Variants in ERC1 observed in about 807,000 individuals in gnomAD.
ERC1 encodes ELKS/RAB6-interacting/CAST family member 1, also known as RAB6 interacting protein 2.
Under a neutral mutation model 132.0 loss-of-function variants are expected in ERC1, and 56 were observed. The observed-to-expected ratio is 0.42, with a 90% confidence interval of 0.34 to 0.53. The LOEUF (loss-of-function observed/expected upper bound fraction) is 0.53. ERC1 is among the 20% of genes least tolerant of loss of function. The pLI, the probability that ERC1 is intolerant of heterozygous loss-of-function variation, is 0.03. For synonymous variants in ERC1, 478 were observed against 476.1 expected, an observed-to-expected ratio of 1.00 and a Z score of -0.05; for missense variants, 1,202 against 1,349.9, an observed-to-expected ratio of 0.89 and a Z score of 1.72.
At chr12:1,127,505 C>CT (rs1386561232) in intron 7 of ERC1, among the ~76,000 whole-genome samples, 348 of 142,392 alleles carry the variant, frequency 2.4e-3, no homozygotes, top group Middle Eastern at 7.1e-3. Flanking sequence ...TCTATGTTTA[C>CT]TTTTTTTTTT....
At chr12:1,442,260 CA>C (rs1347946072) in intron 17 of ERC1, among the ~76,000 whole-genome samples, 1 of 152,178 alleles carries the variant, frequency 6.6e-6, no homozygotes, top group Non-Finnish European at 1.5e-5. Flanking sequence ...AAATAAAATA[CA>C]ATATTTTTGA....
chr12:1,025,713 T>C (rs1343269156), intron 1 of ERC1, among the ~76,000 whole-genome samples: 1 of 152,188 alleles, frequency 6.6e-6, no homozygotes, highest in East Asian at 1.9e-4. Context: ...TATTGAGTGA[T>C]TTTTCATTTC....
intron 17 of ERC1, among the ~76,000 whole-genome samples, chr12:1,440,598 TTTTGTGTGTGTGTGTGTGTGTGTG>T (rs1169111971): frequency 1.9e-5 from 2 of 106,572 alleles, no homozygotes; most frequent in South Asian, 3.0e-4. Flanking sequence ...TGCCTCAGCC[TTTTGTGTGTGTGTGTGTGTGTGTG>T]TGTGTGTGTG....
intron 12 of ERC1, among the ~76,000 whole-genome samples, chr12:1,202,115 T>C (rs1444120457): frequency 6.6e-6 from 1 of 152,198 alleles, no homozygotes; most frequent in African/African-American, 2.4e-5. Flanking sequence ...GCTTGTTTCT[T>C]TCTTCTTCCT....
intron 1 of ERC1, among the ~76,000 whole-genome samples, chr12:1,001,853 CTTTTTTTTTT>C (rs869097939): frequency 3.7e-5 from 4 of 109,158 alleles, no homozygotes; most frequent in African/African-American, 1.2e-4. Flanking sequence ...CTTGTAAAGT[CTTTTTTTTTT>C]TTTTTTTTTT....
Position 1,343,815 on chromosome 12 carries a change from T to C in ERC1, c.2781-28018T>C, listed in dbSNP as rs549391766. Among the ~76,000 whole-genome samples the C allele has an allele frequency of 2.6e-5, 4 of 152,264 alleles. No individual in the cohort carries two copies. The East Asian group carries it at 7.7e-4, about 29-fold the overall frequency. On this transcript the variant is annotated intron_variant, in intron 15 of 18. Transcript: ENST00000360905. ...CTGAAATAAGGTATATTCTGAAGCT[T>C]ATCGTTTAAATTGTAGATTTCATAT...
chr12:1,076,901 A>AT, intron 2 of ERC1, among the ~76,000 whole-genome samples: 1 of 152,358 alleles, frequency 6.6e-6, no homozygotes, highest in Admixed American at 6.5e-5. Flanking sequence ...AAAGAATTAA[A>AT]TTGCAGATCA....
intron 2 of ERC1, among the ~76,000 whole-genome samples, chr12:1,053,195 C>G (rs922506542): frequency 2.6e-5 from 4 of 152,048 alleles, no homozygotes; most frequent in Non-Finnish European, 5.9e-5. Context: ...ACTTGTTTCC[C>G]CTATGCTTGA....
At chr12:1,249,510 T>G (rs1331270408) in intron 13 of ERC1, among the ~76,000 whole-genome samples, 5 of 152,250 alleles carry the variant, frequency 3.3e-5, no homozygotes, top group Admixed American at 2.6e-4. Flanking sequence ...ATTTGGGGAT[T>G]ATTTTATATT....
chr12:1,473,602 C>G (rs1308314161), intron 18 of ERC1, among the ~76,000 whole-genome samples: 1 of 143,230 alleles, frequency 7.0e-6, no homozygotes, highest in African/African-American at 2.6e-5. Context: ...CGCACTCCAG[C>G]CTGGGGGACA....
At chr12:1,433,375 G>A (rs2092856134) in intron 17 of ERC1, among the ~76,000 whole-genome samples, 1 of 152,190 alleles carries the variant, frequency 6.6e-6, no homozygotes, top group African/African-American at 2.4e-5. Context: ...CTATGCACGT[G>A]TATGTTTTAA....
chr12:1,200,062 C>T (rs1956762891), intron 12 of ERC1, among the ~76,000 whole-genome samples: 1 of 152,022 alleles, frequency 6.6e-6, no homozygotes, highest in South Asian at 2.1e-4. Flanking sequence ...AGCTGCCAGG[C>T]TTCAACTTAA....
intron 8 of ERC1, among the ~76,000 whole-genome samples, chr12:1,174,148 C>T (rs986944945): frequency 6.6e-6 from 1 of 152,204 alleles, no homozygotes; most frequent in Non-Finnish European, 1.5e-5. Flanking sequence ...TTTTTATGGG[C>T]ACACATTTCA....
intron 15 of ERC1, among the ~76,000 whole-genome samples, chr12:1,304,816 G>A (rs2080725999): frequency 9.6e-6 from 1 of 104,236 alleles, no homozygotes; most frequent in Non-Finnish European, 1.9e-5. Context: ...TTGAGACGGA[G>A]TCTCGCTCTG....
At chr12:1,041,294 G>A (rs957901595) in intron 2 of ERC1, among the ~76,000 whole-genome samples, 2 of 150,590 alleles carry the variant, frequency 1.3e-5, no homozygotes, top group African/African-American at 2.5e-5. Flanking sequence ...TGCAGCCTCC[G>A]CCTCCCGGGT....
At chr12:1,247,604 A>G (rs1265107704) in intron 13 of ERC1, among the ~76,000 whole-genome samples, 1 of 152,244 alleles carries the variant, frequency 6.6e-6, no homozygotes, top group African/African-American at 2.4e-5. Flanking sequence ...CAAAATTAAC[A>G]TAACAGGTTA....
intron 15 of ERC1, among the ~76,000 whole-genome samples, chr12:1,303,975 T>G (rs2154346386): frequency 8.5e-6 from 1 of 117,208 alleles, no homozygotes; most frequent in African/African-American, 3.5e-5. Flanking sequence ...AAAAAAGAAT[T>G]CCATTAGCTA....
At chr12:1,302,853 C>A (rs565110059) in intron 15 of ERC1, among the ~76,000 whole-genome samples, 1 of 152,076 alleles carries the variant, frequency 6.6e-6, no homozygotes, top group Non-Finnish European at 1.5e-5. Flanking sequence ...GTCCCAGCTA[C>A]TCGGGAGGCT....
chr12:1,425,025 CT>C (rs990193625), intron 17 of ERC1, among the ~76,000 whole-genome samples: 5 of 151,378 alleles, frequency 3.3e-5, no homozygotes, highest in African/African-American at 9.7e-5. Flanking sequence ...ACCTAAGAAC[CT>C]TTTTTTTTCT....
Sources: gnomAD v4.1 joint callset for allele counts (sites outside exome capture counted in the v4.1 genomes callset) on GRCh38, gnomAD v4.1.1 for gene constraint, MANE v1.5 for transcripts, NCBI Gene and HGNC (gene_info 2026-07-23, HGNC 2026-07-21) for gene names.